The following PAXBP1 variants were observed in gnomAD, a reference collection of about 807,000 sequenced individuals.
PAXBP1 encodes the protein PAX3- and PAX7-binding protein 1.
A neutral mutation model predicts 119.9 loss-of-function variants in PAXBP1; 44 were observed. The ratio of observed to expected loss-of-function variants is 0.37; its 90% CI spans 0.29 to 0.47. The LOEUF (loss-of-function observed/expected upper bound fraction) is 0.47. PAXBP1 is among the 20% of genes least tolerant of loss of function. The pLI is 0.99. For missense variants in PAXBP1, 898 were observed against 1,134.1 expected (o/e 0.79, Z 2.99); for synonymous variants, 393 against 406.6 (o/e 0.97, Z 0.40).
At chr21:32,749,361 A>ATT (rs2043924503) in intron 10 of PAXBP1, among the ~76,000 whole-genome samples, 1 of 151,778 alleles carries the variant, frequency 6.6e-6, no homozygotes, top group African/African-American at 2.4e-5. Context: ...TGCCCAACTA[A>ATT]TTTTTGTATT....
In PAXBP1 at chr21:32,735,003, C is replaced by T. The variant is rs1430559361; in HGVS notation, c.2701G>A (p.Val901Ile). The T allele has an allele frequency of 1.2e-6, 2 of 1,613,850 alleles. No homozygotes were observed. Among genetic ancestry groups the T allele is most frequent in the Non-Finnish European group, 1.7e-6 (2 of 1,179,902 alleles). Reference sequence around the variant, plus strand: ...TCTTTCACATTGTGGTCACTTGCAACAGACATAGCATGATCCAAAGCTCGA... The same window carrying T: ...TCTTTCACATTGTGGTCACTTGCAATAGACATAGCATGATCCAAAGCTCGA... ...SVRALDHAMS[V>I]ASDHNVKEFK... Residue 901 changes from valine (V) to isoleucine (I), a missense_variant, in exon 18 of 18, where the codon GTT (valine) becomes ATT (isoleucine). By Grantham distance (29) the Val-to-Ile change is conservative. This residue lies in a region of PAXBP1 where 599 missense variants were observed against 852.7 expected (regional missense o/e 0.70). Coordinates refer to ENST00000331923, the MANE Select transcript of PAXBP1 (RefSeq NM_016631.4).
chr21:32,744,361 A>G (rs1667661029), intron 13 of PAXBP1, among the ~76,000 whole-genome samples: 1 of 152,082 alleles, frequency 6.6e-6, no homozygotes, highest in Admixed American at 6.6e-5. Context: ...GCCGCATTCA[A>G]AGCCGTCCTG....
intron 3 of PAXBP1, among the ~76,000 whole-genome samples, chr21:32,762,746 C>T (rs1331204200): frequency 6.6e-6 from 1 of 151,402 alleles, no homozygotes; most frequent in Non-Finnish European, 1.5e-5. Context: ...TGGTGAAACC[C>T]CATCTCTACA....
intron 7 of PAXBP1, among the ~76,000 whole-genome samples, chr21:32,758,644 TAAAAA>T (rs138934420): frequency 1.9e-5 from 2 of 104,104 alleles, no homozygotes; most frequent in African/African-American, 3.6e-5. Flanking sequence ...TCATCCAGGG[TAAAAA>T]AAAAAAAAAA....
intron 17 of PAXBP1, among the ~76,000 whole-genome samples, chr21:32,735,343 T>G (rs1707435250): frequency 6.6e-6 from 1 of 152,180 alleles, no homozygotes. Context: ...TCAATGAGTT[T>G]CATTAATATT....
intron 16 of PAXBP1, 182 bp from the exon 17 acceptor site, chr21:32,737,590 C>A: frequency 2.2e-6 from 1 of 455,024 alleles, no homozygotes; most frequent in Non-Finnish European, 3.7e-6. Flanking sequence ...ACCAATATAC[C>A]TAAATTTTTA....
At position 32,752,662 on chromosome 21, in the gene PAXBP1, G is replaced by A. The variant is rs116975737; in HGVS notation, c.1508-1444C>T. On this transcript the variant is annotated intron_variant, in intron 8 of 17. Coordinates refer to ENST00000331923, the MANE Select transcript of PAXBP1 (RefSeq NM_016631.4). ...TATCTATCTATTTATTTATTGAGAC[G>A]GAGTCTTGCTCTTGTCGCCCAGAAT... Among the ~76,000 whole-genome samples the A allele has an allele frequency of 4.1e-3, 629 of 152,132 alleles. 2 individuals carry two copies. The highest frequency in any genetic ancestry group is 4.8e-3 in the Non-Finnish European group (329 of 67,992).
At chr21:32,765,446 C>T (rs947624999) in intron 2 of PAXBP1, among the ~76,000 whole-genome samples, 11 of 152,170 alleles carry the variant, frequency 7.2e-5, no homozygotes, top group Non-Finnish European at 1.0e-4. Flanking sequence ...AAGTGCTTCA[C>T]CTTGAAGCAC....
At chr21:32,757,280 ACTT>A (rs2044058365) in intron 7 of PAXBP1, among the ~76,000 whole-genome samples, 1 of 152,144 alleles carries the variant, frequency 6.6e-6, no homozygotes, top group Non-Finnish European at 1.5e-5. Flanking sequence ...ACTCAGCAGT[ACTT>A]TTTTGTTTTT....
intron 6 of PAXBP1, 40 bp from the exon 7 acceptor site, chr21:32,759,309 C>T: frequency 6.4e-7 from 1 of 1,573,898 alleles, no homozygotes; most frequent in Non-Finnish European, 8.7e-7. Flanking sequence ...CATTTACATC[C>T]AAAGGTCTAT....
Position 32,742,891 on chromosome 21 carries a change from T to C in PAXBP1, c.2334+357A>G, listed in dbSNP as rs2043809868. 73 of 435,836 alleles carry C rather than the reference T, an allele frequency of 1.7e-4. 2 individuals carry two copies. The highest frequency in any genetic ancestry group is 1.2e-3 in the South Asian group (68 of 57,670). 27.0% of individuals were successfully genotyped at this position (435,836 alleles called of 1,614,324 possible). On this transcript the variant is annotated intron_variant, in intron 15 of 17. Transcript: ENST00000331923. ...TGTATGTAGAGGAAAAAACAGTATATATAGGGTTCGGTACTATCTGTGGTT... is the reference window on the plus strand; with the variant it reads ...TGTATGTAGAGGAAAAAACAGTATACATAGGGTTCGGTACTATCTGTGGTT...
chr21:32,748,574 A>T lies in PAXBP1; in HGVS notation c.1848T>A (p.Ala616=). The T allele has an allele frequency of 6.2e-7, 1 of 1,614,094 alleles. No homozygotes were observed. ...ATTTTGGCAAACAAAGGCCAATGTA[A>T]GCATCTTTGTAGGATGTGTAGTATT... ...RSKYYTSYKD[A]YIGLCLPKLF... Residue 616 remains alanine (A), a synonymous_variant, in exon 11 of 18, where the codon GCT becomes GCA. Transcript: ENST00000331923.
chr21:32,766,739 T>C (rs1021320435), intron 2 of PAXBP1, among the ~76,000 whole-genome samples: 19 of 152,218 alleles, frequency 1.2e-4, no homozygotes, highest in Admixed American at 1.2e-3. Context: ...CATCAAGCAA[T>C]TTAGCAAAAG....
rs139376975 is a variant in PAXBP1 at position 32,746,774 on chromosome 21, C to G, written c.1924-1056G>C. Among the ~76,000 whole-genome samples, 645 of 152,242 alleles carry G rather than the reference C, an allele frequency of 4.2e-3. 2 individuals are homozygous for G. The highest frequency in any genetic ancestry group is 7.9e-3 in the Admixed American group (121 of 15,292). ...AAATATAAATCATTCTATTATAAAGCTACATGCATATGTATGTTCACTGCA... is the reference window on the plus strand; with the variant it reads ...AAATATAAATCATTCTATTATAAAGGTACATGCATATGTATGTTCACTGCA... On this transcript the variant is annotated intron_variant, in intron 11 of 17. Transcript: ENST00000331923.
intron 13 of PAXBP1, 68 bp downstream of exon 13, chr21:32,744,724 T>C: frequency 6.9e-7 from 1 of 1,439,292 alleles, no homozygotes. Context: ...CCACTCATTC[T>C]CTCAATGCTT....
intron 5 of PAXBP1, 61 bp downstream of exon 5, chr21:32,760,998 A>G (rs1403305334): frequency 4.9e-6 from 7 of 1,432,590 alleles, no homozygotes; most frequent in Admixed American, 2.1e-5. Context: ...TTTTTACTTT[A>G]ACAAAATAAA....
At chr21:32,743,610 G>C (rs2043822955) in intron 14 of PAXBP1, 68 bp downstream of exon 14, 1 of 1,237,706 alleles carries the variant, frequency 8.1e-7, no homozygotes, top group South Asian at 1.3e-5. Flanking sequence ...TAGTTTTTCA[G>C]AATTTTATAA....
rs1343388057 is a variant in PAXBP1, at chr21:32,771,387, C to T, written c.282G>A (p.Arg94=). Residue 94 remains arginine, a synonymous_variant, in exon 1 of 18, where the codon AGG becomes AGA. Coordinates refer to ENST00000331923, the MANE Select transcript of PAXBP1 (RefSeq NM_016631.4). ...GGGGCACCTCTTTGTTCTCGCGAGG[C>T]CTCTTGCGCGGCTTCAGCCCGTTGC... ...EPGNGLKPRK[R]PRENKEVPRA... 1 of 1,577,824 alleles carries T rather than the reference C, an allele frequency of 6.3e-7. No homozygotes were observed. Among genetic ancestry groups the T allele is most frequent in the Non-Finnish European group, 8.5e-7 (1 of 1,170,292 alleles).
chr21:32,744,986 T>C, intron 12 of PAXBP1, 73 bp from the exon 13 acceptor site: 1 of 1,428,838 alleles, frequency 7.0e-7, no homozygotes. Flanking sequence ...CAGACCTCTA[T>C]TAATGCCAAT....
Sources: gnomAD v4.1 joint callset for allele counts (sites outside exome capture counted in the v4.1 genomes callset) on GRCh38, gnomAD v4.1.1 for gene constraint, gnomAD v4.1.1 regional missense constraint, MANE v1.5 for transcripts, NCBI Gene and HGNC (gene_info 2026-07-23, HGNC 2026-07-21) for gene names.